SNX29: variants seen among roughly 807,000 people sequenced by gnomAD.
SNX29 encodes sorting nexin-29.
SNX29 carries 78 observed loss-of-function variants against 102.1 expected under a neutral mutation model. That is an observed-to-expected ratio of 0.76 (90% CI 0.64 to 0.92). The LOEUF is 0.92. Ranked by LOEUF, SNX29 falls within the 40% of genes least tolerant of loss-of-function variation. SNX29 has a pLI of 0.00. For synonymous variants in SNX29, 580 were observed against 414.5 expected (o/e 1.40, Z -4.85); for missense variants, 1,280 against 1,061.7 (o/e 1.21, Z -2.86).
chr16:11,977,563 C>T (rs1437903279), intron 1 of SNX29: 3 of 152,788 alleles, frequency 2.0e-5, no homozygotes, highest in Non-Finnish European at 4.4e-5. Context: ...CAGCCCTTCC[C>T]TTCTTGTCCC....
intron 15 of SNX29, among the ~76,000 whole-genome samples, chr16:12,299,163 G>A (rs1020279545): frequency 3.9e-5 from 6 of 152,098 alleles, no homozygotes; most frequent in African/African-American, 1.2e-4. Flanking sequence ...AGTTGGGTAT[G>A]GTGGCACATG....
At chr16:12,321,943 T>A (rs2080947369) in intron 15 of SNX29, among the ~76,000 whole-genome samples, 1 of 152,112 alleles carries the variant, frequency 6.6e-6, no homozygotes, top group African/African-American at 2.4e-5. Context: ...GGGCCCCGAT[T>A]CTGGCTGACT....
chr16:12,382,816 C>T (rs1259102175), intron 16 of SNX29, among the ~76,000 whole-genome samples: 2 of 152,010 alleles, frequency 1.3e-5, no homozygotes, highest in Non-Finnish European at 1.5e-5. Context: ...CCAATCTCTG[C>T]CTTTGTCTTT....
At position 12,543,496 on chromosome 16, in the gene SNX29, G is replaced by A. The variant is rs147096708; in HGVS notation, c.2318+18655G>A. On this transcript the variant is annotated intron_variant, in intron 20 of 20. Coordinates refer to ENST00000566228, the MANE Select transcript of SNX29 (RefSeq NM_032167.5). ...TGTCAGTAAAGCCACAGCCACCTGT[G>A]CTGGCGAGTCATTGTGTAAGAAGCT... 2.9e-4 allele frequency among the ~76,000 whole-genome samples: 44 copies of A among 152,320 alleles called. 1 individual carries two copies. Among genetic ancestry groups the A allele is most frequent in the Admixed American group, 2.1e-3 (32 of 15,298 alleles).
intron 15 of SNX29, among the ~76,000 whole-genome samples, chr16:12,282,507 A>G (rs2079466878): frequency 6.6e-6 from 1 of 152,188 alleles, no homozygotes; most frequent in Non-Finnish European, 1.5e-5. Flanking sequence ...ACCCATCTCC[A>G]GCATATAGTA....
At chr16:12,247,441 G>C (rs1179781104) in intron 14 of SNX29, among the ~76,000 whole-genome samples, 1 of 152,092 alleles carries the variant, frequency 6.6e-6, no homozygotes, top group South Asian at 2.1e-4. Flanking sequence ...ATCATTCTAT[G>C]GGTAAAAATA....
chr16:12,356,021 G>A, intron 15 of SNX29, 142 bp from the exon 16 acceptor site: 1 of 677,126 alleles, frequency 1.5e-6, no homozygotes, highest in Non-Finnish European at 2.6e-6. Context: ...TGGTTCACAG[G>A]TAAGCAGTGT....
At chr16:12,151,746 T>A (rs1019023809) in intron 13 of SNX29, among the ~76,000 whole-genome samples, 1 of 152,230 alleles carries the variant, frequency 6.6e-6, no homozygotes, top group Non-Finnish European at 1.5e-5. Context: ...TTGTTTGTTT[T>A]GTTTTTTGAG....
chr16:12,284,226 G>A lies in SNX29; in HGVS notation c.1782+6190G>A, dbSNP rs1177903295. ...GTGACTTGGAAAGCACATGTATCGC[G>A]TGTCAGACTGAGTTCAGATTTGCCA... On this transcript the variant is annotated intron_variant, in intron 15 of 20. Coordinates refer to ENST00000566228, the MANE Select transcript of SNX29 (RefSeq NM_032167.5). Among the ~76,000 whole-genome samples the A allele has an allele frequency of 3.3e-5, 5 of 152,240 alleles. No homozygotes were observed. The East Asian group carries it at 5.8e-4, about 18-fold the overall frequency.
chr16:12,123,532 TCATATA>T (rs1381524063), intron 11 of SNX29, among the ~76,000 whole-genome samples: 1 of 152,120 alleles, frequency 6.6e-6, no homozygotes. Flanking sequence ...TACATATATA[TCATATA>T]CATATACATC....
chr16:12,015,794 C>G (rs557625224), intron 3 of SNX29, among the ~76,000 whole-genome samples: 1 of 152,032 alleles, frequency 6.6e-6, no homozygotes, highest in Non-Finnish European at 1.5e-5. Flanking sequence ...CTTGGCCTCC[C>G]AAAGTGCTAG....
rs375772249 is a variant in SNX29 at position 12,048,364 on chromosome 16, T to C, written c.500-8T>C. On this transcript the variant is annotated splice_polypyrimidine_tract_variant and splice_region_variant and intron_variant, in intron 6 of 20. Transcript: ENST00000566228. Reference sequence around the variant, plus strand: ...AAGCACTCCAGACTTTTCCCTTTTTTTGGGCAGGTCTGAACTCCATACTCT... The same window carrying C: ...AAGCACTCCAGACTTTTCCCTTTTTCTGGGCAGGTCTGAACTCCATACTCT... 109 of 1,613,860 alleles carry C rather than the reference T, an allele frequency of 6.8e-5. 1 individual carries two copies. In the Middle Eastern group the frequency reaches 3.5e-3, roughly 51 times the overall value.
intron 18 of SNX29, among the ~76,000 whole-genome samples, chr16:12,472,543 A>AAAC (rs1555547104): frequency 3.6e-5 from 5 of 139,848 alleles, no homozygotes; most frequent in African/African-American, 1.0e-4. Flanking sequence ...AAAAAAAAAA[A>AAAC]CAAAAAAAAA....
At chr16:12,276,850 G>A (rs1038701572) in intron 14 of SNX29, among the ~76,000 whole-genome samples, 4 of 152,148 alleles carry the variant, frequency 2.6e-5, no homozygotes, top group Non-Finnish European at 5.9e-5. Flanking sequence ...AGAGCCGTTT[G>A]TGTGCATGCT....
chr16:12,548,481 G>A (rs2077750836), intron 20 of SNX29, among the ~76,000 whole-genome samples: 1 of 152,202 alleles, frequency 6.6e-6, no homozygotes, highest in Non-Finnish European at 1.5e-5. Flanking sequence ...GGGCTTTCAG[G>A]ATGACTAGTC....
chr16:12,011,475 A>G (rs891582736), intron 3 of SNX29, among the ~76,000 whole-genome samples: 1 of 151,840 alleles, frequency 6.6e-6, no homozygotes, highest in Non-Finnish European at 1.5e-5. Flanking sequence ...GGGTTTAACC[A>G]TGTTGGCCAG....
At chr16:12,548,106 G>C (rs1006226350) in intron 20 of SNX29, among the ~76,000 whole-genome samples, 6 of 152,194 alleles carry the variant, frequency 3.9e-5, no homozygotes, top group African/African-American at 1.2e-4. Context: ...GGACATTGAG[G>C]TCTATTTCTT....
chr16:12,549,490 CACAT>C (rs377332482), intron 20 of SNX29, among the ~76,000 whole-genome samples: 106 of 75,150 alleles, frequency 1.4e-3, no homozygotes, highest in African/African-American at 8.1e-3. Context: ...AAGATCCTCA[CACAT>C]ACAAAGATGT....
At chr16:12,528,357 C>G (rs902991538) in intron 20 of SNX29, among the ~76,000 whole-genome samples, 21 of 152,018 alleles carry the variant, frequency 1.4e-4, no homozygotes, top group Middle Eastern at 3.2e-3. Flanking sequence ...TCACCACGCT[C>G]AGCTAATTTT....
Sources: allele counts gnomAD v4.1 joint callset (sites outside exome capture counted in the v4.1 genomes callset), GRCh38; gene constraint gnomAD v4.1.1; transcripts MANE v1.5; gene names NCBI Gene and HGNC (gene_info 2026-07-23, HGNC 2026-07-21).